The following PCSK5 variants were observed in gnomAD, a reference collection of about 807,000 sequenced individuals.
PCSK5 encodes the protein proprotein convertase subtilisin/kexin type 5, also known as prohormone convertase 5.
PCSK5 carries 129 observed loss-of-function variants against 233.2 expected under a neutral mutation model. The ratio of observed to expected loss-of-function variants is 0.55; its 90% CI spans 0.48 to 0.64. The LOEUF (loss-of-function observed/expected upper bound fraction) is 0.64, where lower values mean the gene tolerates loss of function less well. PCSK5 is among the 30% of genes least tolerant of loss of function. The pLI, the probability that PCSK5 is intolerant of heterozygous loss-of-function variation, is 0.00. For synonymous variants in PCSK5, 825 were observed against 879.2 expected (o/e 0.94, Z 1.09); for missense variants, 2,076 against 2,430.1 (o/e 0.85, Z 3.06).
At position 75,943,882 on chromosome 9, in the gene PCSK5, C is replaced by T. The variant is rs138460384; in HGVS notation, c.297+11399C>T. 2.5e-4 allele frequency among the ~76,000 whole-genome samples: 38 copies of T among 152,124 alleles called. No individual in the cohort carries two copies. The East Asian group carries it at 6.2e-3, about 25-fold the overall frequency. On this transcript the variant is annotated intron_variant, in intron 2 of 37. Coordinates refer to ENST00000674117, the MANE Select transcript of PCSK5 (RefSeq NM_001372043.1). ...ATGATCCCCAAAATAATATGTAGGC[C>T]GAGTGTGGTGGCTCATGCCTATAAT...
rs575216744 is a variant in PCSK5, at chr9:75,902,089, G to A, written c.192+10716G>A. ...AAATTAGCGGGGTGTGGTGTCGAGC[G>A]TCTGTAATCCCAGCTACTCAGGAGG... On this transcript the variant is annotated intron_variant, in intron 1 of 37. Transcript: ENST00000674117. 5.3e-5 allele frequency among the ~76,000 whole-genome samples: 8 copies of A among 151,744 alleles called. No individual in the cohort carries two copies. In the East Asian group the frequency reaches 1.4e-3, roughly 26 times the overall value.
intron 7 of PCSK5, among the ~76,000 whole-genome samples, chr9:76,087,227 C>T (rs755741445): frequency 6.6e-6 from 1 of 152,174 alleles, no homozygotes. Context: ...AGGGCATCTC[C>T]GATAAGGAAA....
chr9:76,099,580 A>T (rs1831673636), intron 8 of PCSK5, among the ~76,000 whole-genome samples: 1 of 152,194 alleles, frequency 6.6e-6, no homozygotes, highest in African/African-American at 2.4e-5. Flanking sequence ...TCTGATCGGG[A>T]ACATGTTAAC....
Position 76,233,611 on chromosome 9 carries a change from C to T in PCSK5, c.2866+15C>T, listed in dbSNP as rs1473478160. 1 of 1,606,224 alleles carries T rather than the reference C, an allele frequency of 6.2e-7. No individual in the cohort carries two copies. The highest frequency in any genetic ancestry group is 8.5e-7 in the Non-Finnish European group (1 of 1,178,668). The stretch of plus-strand genomic sequence containing the variant: ...CTGTGGAGCAGGTGAGAGACTGCTG[C>T]TCCTCCGTCTTCTGCACCCCAAACC... On this transcript the variant is annotated intron_variant, in intron 22 of 37. Transcript: ENST00000674117.
intron 5 of PCSK5, among the ~76,000 whole-genome samples, chr9:76,027,625 C>T (rs1828485355): frequency 6.9e-6 from 1 of 144,402 alleles, no homozygotes; most frequent in Non-Finnish European, 1.5e-5. Context: ...CCGTTTACTA[C>T]TGTGGTTTTT....
chr9:75,890,241 A>C (rs1319837667), upstream of PCSK5, among the ~76,000 whole-genome samples: 1 of 152,216 alleles, frequency 6.6e-6, no homozygotes, highest in Non-Finnish European at 1.5e-5. Flanking sequence ...AGAATTAACG[A>C]AGTGAAAATC....
At chr9:76,355,329 C>T (rs1017541960) in intron 37 of PCSK5, among the ~76,000 whole-genome samples, 1 of 151,990 alleles carries the variant, frequency 6.6e-6, no homozygotes, top group Admixed American at 6.6e-5. Context: ...AAAAATTAGC[C>T]AGGCGTGGTG....
chr9:75,910,555 A>G (rs567665949), intron 1 of PCSK5, among the ~76,000 whole-genome samples: 3 of 151,880 alleles, frequency 2.0e-5, no homozygotes, highest in Admixed American at 6.5e-5. Context: ...AATCACTGGT[A>G]AGCTTCGTTA....
intron 24 of PCSK5, among the ~76,000 whole-genome samples, chr9:76,278,283 A>G (rs1186089027): frequency 1.3e-5 from 2 of 150,070 alleles, no homozygotes; most frequent in Admixed American, 1.3e-4. Context: ...CAAGGAGATT[A>G]TACAAACATC....
intron 2 of PCSK5, among the ~76,000 whole-genome samples, chr9:75,961,768 C>T (rs1031904249): frequency 2.6e-5 from 4 of 152,114 alleles, no homozygotes; most frequent in Non-Finnish European, 5.9e-5. Context: ...TTTTATATCG[C>T]CTACATGATG....
intron 3 of PCSK5, among the ~76,000 whole-genome samples, chr9:76,022,177 CAG>C (rs1318368155): frequency 6.6e-6 from 1 of 152,176 alleles, no homozygotes; most frequent in Non-Finnish European, 1.5e-5. Context: ...CTTTAAAACA[CAG>C]GGAGCTCTCT....
At chr9:76,320,768 C>A (rs1206600076) in intron 30 of PCSK5, among the ~76,000 whole-genome samples, 2 of 151,696 alleles carry the variant, frequency 1.3e-5, no homozygotes, top group African/African-American at 2.4e-5. Context: ...GCCACCCTAC[C>A]CAACCCATTG....
intron 10 of PCSK5, among the ~76,000 whole-genome samples, chr9:76,152,182 C>T (rs750200226): frequency 5.3e-5 from 8 of 152,098 alleles, no homozygotes; most frequent in Non-Finnish European, 8.8e-5. Flanking sequence ...ATAGTACTGT[C>T]ACATTCTGAT....
intron 24 of PCSK5, among the ~76,000 whole-genome samples, chr9:76,285,529 C>T (rs1034161671): frequency 7.2e-5 from 11 of 151,994 alleles, no homozygotes; most frequent in Admixed American, 3.9e-4. Flanking sequence ...GGACACAGGA[C>T]AGATAGGTTT....
intron 30 of PCSK5, among the ~76,000 whole-genome samples, chr9:76,313,650 T>C (rs1297698606): frequency 2.0e-5 from 3 of 152,116 alleles, no homozygotes; most frequent in Admixed American, 6.6e-5. Flanking sequence ...CTGAGCAACA[T>C]AGCAAGACCC....
chr9:76,128,960 C>G (rs144055388), intron 9 of PCSK5, among the ~76,000 whole-genome samples: 46 of 152,312 alleles, frequency 3.0e-4, no homozygotes, highest in African/African-American at 1.1e-3. Flanking sequence ...TACTCCTGCT[C>G]GCAGTGGGAC....
chr9:76,165,250 G>C (rs1035087556), intron 12 of PCSK5, among the ~76,000 whole-genome samples: 3 of 152,186 alleles, frequency 2.0e-5, no homozygotes, highest in Admixed American at 2.0e-4. Flanking sequence ...ATATTAGCCT[G>C]ATGTCTAGTT....
At chr9:76,102,460 AC>A (rs1831803240) in intron 8 of PCSK5, among the ~76,000 whole-genome samples, 1 of 152,232 alleles carries the variant, frequency 6.6e-6, no homozygotes, top group South Asian at 2.1e-4. Context: ...CATCTCTAAT[AC>A]AAAAATTCAA....
At chr9:76,097,642 T>C (rs538150428) in intron 8 of PCSK5, among the ~76,000 whole-genome samples, 1 of 152,362 alleles carries the variant, frequency 6.6e-6, no homozygotes, top group Admixed American at 6.5e-5. Context: ...TGAGTAATTT[T>C]GGACAAATTA....
Sources: allele counts gnomAD v4.1 joint callset (sites outside exome capture counted in the v4.1 genomes callset), GRCh38; gene constraint gnomAD v4.1.1; transcripts MANE v1.5; gene names NCBI Gene and HGNC (gene_info 2026-07-23, HGNC 2026-07-21).